The following BTRC variants were observed in gnomAD, a reference collection of about 807,000 sequenced individuals.
The protein encoded by BTRC is beta-transducin repeat containing E3 ubiquitin protein ligase.
BTRC carries 42 observed loss-of-function variants against 85.5 expected under a neutral mutation model. The ratio of observed to expected loss-of-function variants is 0.49; its 90% CI spans 0.38 to 0.64. BTRC has a LOEUF of 0.64. Among genes scored for constraint, BTRC ranks in the 30% least tolerant of loss-of-function variants. The pLI is 0.00. For missense variants in BTRC, 594 were observed against 743.5 expected, an observed-to-expected ratio of 0.80 and a Z score of 2.34; for synonymous variants, 255 against 263.3, an observed-to-expected ratio of 0.97 and a Z score of 0.30.
In BTRC at chr10:101,366,821, AATATATATTT is replaced by A. The variant is rs1173093098; in HGVS notation, c.48+12606_48+12615del. Among the ~76,000 whole-genome samples, 228 of 49,332 alleles carry A rather than the reference AATATATATTT, an allele frequency of 4.6e-3. 43 individuals carry two copies. The Admixed American group carries it at 0.077, about 17-fold the overall frequency. The allele number at this position is 49,332 out of a possible 152,430, so 32.4% of individuals were successfully genotyped here. A position where few individuals can be genotyped will look rare whatever the true frequency, so the allele number is the denominator to read the frequency against. On this transcript the variant is annotated intron_variant, in intron 1 of 14. Transcript: ENST00000370187. Reference sequence around the variant, plus strand: ...ATTTATATATATATTTATATATATTAATATATATTTATATATATTTATGTATATTAATATA... The same window carrying A: ...ATTTATATATATATTTATATATATTAATATATATTTATGTATATTAATATA...
At chr10:101,509,184 T>C (rs1046221205) in intron 4 of BTRC, among the ~76,000 whole-genome samples, 1 of 145,772 alleles carries the variant, frequency 6.9e-6, no homozygotes, top group Non-Finnish European at 1.5e-5. Context: ...CTTTCCATTC[T>C]AATCAAAGTG....
At chr10:101,392,142 G>A (rs1444655467) in intron 1 of BTRC, among the ~76,000 whole-genome samples, 1 of 152,158 alleles carries the variant, frequency 6.6e-6, no homozygotes, top group African/African-American at 2.4e-5. Flanking sequence ...ACCACGCCCA[G>A]CTAATTTTTG....
At chr10:101,490,095 C>T (rs1396151084) in intron 4 of BTRC, among the ~76,000 whole-genome samples, 1 of 131,474 alleles carries the variant, frequency 7.6e-6, no homozygotes, top group Non-Finnish European at 1.8e-5. Context: ...AGTTTTCTCT[C>T]CCACCCCCAT....
intron 3 of BTRC, among the ~76,000 whole-genome samples, chr10:101,478,913 T>C (rs1945764517): frequency 6.9e-6 from 1 of 145,682 alleles, no homozygotes; most frequent in South Asian, 2.2e-4. Context: ...CACCCCAGCC[T>C]GGGTGACAGA....
intron 4 of BTRC, among the ~76,000 whole-genome samples, chr10:101,510,124 C>A (rs573767546): frequency 7.9e-5 from 12 of 150,968 alleles, no homozygotes; most frequent in Non-Finnish European, 1.6e-4. Context: ...ACAGGCAAGA[C>A]TCTGTCTCAA....
At chr10:101,402,887 T>A (rs1438651066) in intron 1 of BTRC, among the ~76,000 whole-genome samples, 2 of 152,200 alleles carry the variant, frequency 1.3e-5, no homozygotes, top group Non-Finnish European at 2.9e-5. Flanking sequence ...AGTGTGAGTT[T>A]ATATGGTCTA....
chr10:101,417,272 C>T (rs758549296), intron 1 of BTRC, among the ~76,000 whole-genome samples: 3 of 152,208 alleles, frequency 2.0e-5, no homozygotes, highest in Non-Finnish European at 4.4e-5. Context: ...ATTTAGTAGT[C>T]ATACCTCTTT....
At chr10:101,399,502 A>T (rs1943445260) in intron 1 of BTRC, among the ~76,000 whole-genome samples, 2 of 152,176 alleles carry the variant, frequency 1.3e-5, no homozygotes, top group African/African-American at 4.8e-5. Context: ...CATTTTGTAA[A>T]GGAGTTCAAA....
intron 4 of BTRC, among the ~76,000 whole-genome samples, chr10:101,495,868 G>A (rs2134274226): frequency 7.1e-6 from 1 of 141,314 alleles, no homozygotes; most frequent in African/African-American, 2.5e-5. Context: ...TAGGAAAAGA[G>A]AAATGAAAAG....
intron 1 of BTRC, among the ~76,000 whole-genome samples, chr10:101,420,492 A>G (rs1028505999): frequency 1.3e-5 from 2 of 151,674 alleles, no homozygotes; most frequent in African/African-American, 4.8e-5. Context: ...GACATGGGCA[A>G]CCCTCACTGC....
At chr10:101,498,130 G>C (rs1946310682) in intron 4 of BTRC, among the ~76,000 whole-genome samples, 1 of 152,032 alleles carries the variant, frequency 6.6e-6, no homozygotes, top group Non-Finnish European at 1.5e-5. Context: ...TTCTGATTTT[G>C]CCCAGAGCCT....
chr10:101,366,782 A>ATTTTTTATATT (rs1564729588), intron 1 of BTRC, among the ~76,000 whole-genome samples: 5 of 81,618 alleles, frequency 6.1e-5, no homozygotes, highest in Non-Finnish European at 1.3e-4. Flanking sequence ...ATATATATAT[A>ATTTTTTATATT]TATATATTTT....
chr10:101,497,263 C>T (rs1192278770), intron 4 of BTRC, among the ~76,000 whole-genome samples: 1 of 152,202 alleles, frequency 6.6e-6, no homozygotes, highest in Non-Finnish European at 1.5e-5. Context: ...TTTGTTGTTA[C>T]TCTTCAAGAT....
chr10:101,425,718 A>G (rs1002982363), intron 1 of BTRC, among the ~76,000 whole-genome samples: 1 of 151,700 alleles, frequency 6.6e-6, no homozygotes, highest in Non-Finnish European at 1.5e-5. Context: ...GCTGAGGCAG[A>G]AGGATTGCTT....
intron 4 of BTRC, among the ~76,000 whole-genome samples, chr10:101,504,995 G>A (rs1222642549): frequency 2.0e-5 from 3 of 151,050 alleles, no homozygotes; most frequent in Non-Finnish European, 4.4e-5. Flanking sequence ...AGGCTGGAGT[G>A]CAGTGGTACA....
intron 1 of BTRC, among the ~76,000 whole-genome samples, chr10:101,367,271 T>C (rs1286083735): frequency 1.3e-5 from 2 of 150,408 alleles, no homozygotes; most frequent in African/African-American, 4.9e-5. Context: ...GGTTTCGCCA[T>C]GTTGGCCAGG....
chr10:101,408,844 C>T (rs1265718394), intron 1 of BTRC, among the ~76,000 whole-genome samples: 1 of 151,882 alleles, frequency 6.6e-6, no homozygotes, highest in East Asian at 1.9e-4. Flanking sequence ...GTCAGGAGTT[C>T]AAGACCAGCC....
intron 13 of BTRC, among the ~76,000 whole-genome samples, chr10:101,546,316 G>GA (rs2062557547): frequency 6.6e-6 from 1 of 152,132 alleles, no homozygotes; most frequent in South Asian, 2.1e-4. Context: ...AAAGATAGCT[G>GA]AAAAATCCCA....
chr10:101,551,369 A>T (rs1259696106), intron 14 of BTRC, among the ~76,000 whole-genome samples: 1 of 152,186 alleles, frequency 6.6e-6, no homozygotes, highest in Non-Finnish European at 1.5e-5. Flanking sequence ...TTTTAAAAGG[A>T]ATATAAAAAG....
Sources: gnomAD v4.1 joint callset for allele counts (sites outside exome capture counted in the v4.1 genomes callset) on GRCh38, gnomAD v4.1.1 for gene constraint, MANE v1.5 for transcripts, NCBI Gene and HGNC (gene_info 2026-07-23, HGNC 2026-07-21) for gene names.